The following FBLN5 variants were observed in gnomAD, a reference collection of about 807,000 sequenced individuals.
FBLN5 encodes the protein fibulin-5.
A neutral mutation model predicts 61.6 loss-of-function variants in FBLN5; 24 were observed. That is an observed-to-expected ratio of 0.39 (90% CI 0.28 to 0.55). FBLN5 has a LOEUF of 0.55. Among genes scored for constraint, FBLN5 ranks in the 20% least tolerant of loss-of-function variants. The pLI is 0.65. For missense variants in FBLN5, 470 were observed against 594.1 expected (o/e 0.79, Z 2.17); for synonymous variants, 213 against 219.8 (o/e 0.97, Z 0.27).
At chr14:91,891,786 C>T (rs1890008284) in intron 5 of FBLN5, among the ~76,000 whole-genome samples, 1 of 152,216 alleles carries the variant, frequency 6.6e-6, no homozygotes, top group African/African-American at 2.4e-5. Context: ...AGAGGCTCCA[C>T]TGCCCAGGAT....
intron 4 of FBLN5, among the ~76,000 whole-genome samples, chr14:91,897,506 A>T (rs1890275247): frequency 6.6e-6 from 1 of 152,214 alleles, no homozygotes; most frequent in Non-Finnish European, 1.5e-5. Flanking sequence ...TGACCAACAC[A>T]GGAGAAGAAT....
intron 9 of FBLN5, chr14:91,877,937 C>G: frequency 1.7e-6 from 1 of 590,032 alleles, no homozygotes; most frequent in Non-Finnish European, 3.2e-6. Context: ...CCTTAGATCT[C>G]TGGTTTTCAG....
At chr14:91,922,151 G>C (rs963375749) in intron 4 of FBLN5, among the ~76,000 whole-genome samples, 1 of 151,894 alleles carries the variant, frequency 6.6e-6, no homozygotes, top group African/African-American at 2.4e-5. Context: ...AAATTAGCTG[G>C]GCCTGGTGGC....
intron 10 of FBLN5, among the ~76,000 whole-genome samples, chr14:91,876,874 T>C (rs560358219): frequency 6.6e-6 from 1 of 152,176 alleles, no homozygotes; most frequent in Admixed American, 6.5e-5. Flanking sequence ...GTTGCCCAGA[T>C]TGGAGTACAG....
intron 4 of FBLN5, among the ~76,000 whole-genome samples, chr14:91,909,942 A>G (rs1163362714): frequency 6.6e-6 from 1 of 152,254 alleles, no homozygotes; most frequent in Non-Finnish European, 1.5e-5. Context: ...AAAATTGGGT[A>G]GCCACTATGG....
At chr14:91,937,353 G>T in intron 3 of FBLN5, 152 bp from the exon 4 acceptor site, 1 of 933,924 alleles carries the variant, frequency 1.1e-6, no homozygotes, top group Non-Finnish European at 1.7e-6. Flanking sequence ...CCCAAATGTT[G>T]GCTGAAGTGT....
chr14:91,940,613 G>C lies in FBLN5; in HGVS notation c.76C>G (p.Gln26Glu). ...CLPSPGNAQA[Q>E]CTNGFDLDRQ... ...TCCAGGTCAAAGCCATTCGTGCACT[G>C]TGCCTGCAGGGAAGGAGAGAGGAGA... The change falls in exon 3 of 11, where the codon CAG becomes GAG. Residue 26 changes from glutamine to glutamate, a missense_variant. Physicochemically the swap from Gln to Glu is conservative, Grantham distance 29. Coordinates refer to ENST00000342058, the MANE Select transcript of FBLN5 (RefSeq NM_006329.4). The C allele has an allele frequency of 6.2e-7, 1 of 1,613,888 alleles. No homozygotes were observed. The highest frequency in any genetic ancestry group is 8.5e-7 in the Non-Finnish European group (1 of 1,179,840).
At chr14:91,939,190 C>T (rs569002234) in intron 3 of FBLN5, among the ~76,000 whole-genome samples, 9 of 152,202 alleles carry the variant, frequency 5.9e-5, no homozygotes, top group African/African-American at 2.2e-4. Context: ...GTTCATATGC[C>T]CTATGCTCTG....
chr14:91,883,113 A>G, intron 7 of FBLN5, 37 bp from the exon 8 acceptor site: 2 of 1,611,934 alleles, frequency 1.2e-6, no homozygotes, highest in Non-Finnish European at 1.7e-6. Flanking sequence ...TTGTAATCCC[A>G]GTCTACATGG....
rs2056140236 is a variant in FBLN5 at position 91,943,572 on chromosome 14, T to C, written c.18-611A>G. On this transcript the variant is annotated intron_variant, in intron 1 of 10. Coordinates refer to ENST00000342058, the MANE Select transcript of FBLN5 (RefSeq NM_006329.4). This position sits in a 1 kb window ranked among gnomAD's most constrained non-coding sequence, Gnocchi z 4.0. ...GTATTAACCAGTTCCTTGGTCTTTA[T>C]TCTTTATGCGAGATGTGCTTGACTT... 6.6e-6 allele frequency among the ~76,000 whole-genome samples: 1 copy of C among 152,074 alleles called. No homozygotes were observed. Among genetic ancestry groups the C allele is most frequent in the Non-Finnish European group, 1.5e-5 (1 of 68,022 alleles).
intron 4 of FBLN5, among the ~76,000 whole-genome samples, chr14:91,922,150 G>A (rs538911892): frequency 2.6e-5 from 4 of 151,892 alleles, no homozygotes; most frequent in Non-Finnish European, 4.4e-5. Context: ...AAAATTAGCT[G>A]GGCCTGGTGG....
chr14:91,944,563 A>G (rs1368703020), intron 1 of FBLN5, among the ~76,000 whole-genome samples: 1 of 152,250 alleles, frequency 6.6e-6, no homozygotes, highest in African/African-American at 2.4e-5. Flanking sequence ...CCTTCGATGG[A>G]TACATGGATA....
intron 2 of FBLN5, 35 bp from the exon 3 acceptor site, chr14:91,940,651 C>G (rs760232348): frequency 5.0e-6 from 8 of 1,585,164 alleles, no homozygotes; most frequent in Non-Finnish European, 6.9e-6. Context: ...CAGGCAAGGT[C>G]ATTTCACACC....
At chr14:91,946,896 A>C (rs2056194234) in intron 1 of FBLN5, 1 of 1,469,494 alleles carries the variant, frequency 6.8e-7, no homozygotes. Flanking sequence ...AAATACATAC[A>C]AAAATCCCTT....
rs578052483 is a variant in FBLN5, at chr14:91,882,751, C to A, written c.862+203G>T. 6.6e-6 allele frequency among the ~76,000 whole-genome samples: 1 copy of A among 152,172 alleles called. No individual in the cohort carries two copies. Among genetic ancestry groups the A allele is most frequent in the African/African-American group, 2.4e-5 (1 of 41,432 alleles). ...AGTGGCCAATATCCTGGCCAAAGGA[C>A]GGGTTACAGGGAAGGAAGACAACAG... On this transcript the variant is annotated intron_variant, in intron 8 of 10. Coordinates refer to ENST00000342058, the MANE Select transcript of FBLN5 (RefSeq NM_006329.4). This position sits in a 1 kb window ranked among gnomAD's most constrained non-coding sequence, Gnocchi z 4.9.
At chr14:91,927,473 G>A (rs1191808063) in intron 4 of FBLN5, among the ~76,000 whole-genome samples, 1 of 152,158 alleles carries the variant, frequency 6.6e-6, no homozygotes, top group African/African-American at 2.4e-5. Flanking sequence ...CTCCAGTGGT[G>A]GATTCAACCC....
intron 4 of FBLN5, among the ~76,000 whole-genome samples, chr14:91,897,487 G>A (rs1043799578): frequency 3.3e-5 from 5 of 152,216 alleles, no homozygotes; most frequent in African/African-American, 1.2e-4. Flanking sequence ...GGGGAATGAA[G>A]GGTGAGGGTG....
chr14:91,932,221 C>G (rs577466666), intron 4 of FBLN5, among the ~76,000 whole-genome samples: 61 of 152,322 alleles, frequency 4.0e-4, no homozygotes, highest in African/African-American at 1.4e-3. Flanking sequence ...CTGAACAACA[C>G]AAAACTTGCT....
chr14:91,880,594 C>G (rs1030424539), intron 9 of FBLN5, among the ~76,000 whole-genome samples: 6 of 151,882 alleles, frequency 4.0e-5, no homozygotes, highest in African/African-American at 1.2e-4. Flanking sequence ...GTCACCCAGA[C>G]TGGACTGCAG....
Sources: gnomAD v4.1 joint callset for allele counts (sites outside exome capture counted in the v4.1 genomes callset) on GRCh38, gnomAD v4.1.1 for gene constraint, Gnocchi (gnomAD v3.1) non-coding constraint, MANE v1.5 for transcripts, NCBI Gene and HGNC (gene_info 2026-07-23, HGNC 2026-07-21) for gene names.